The following ZC3H12C variants were observed in gnomAD, a reference collection of about 807,000 sequenced individuals.
ZC3H12C encodes zinc finger CCCH-type containing 12C.
ZC3H12C carries 20 observed loss-of-function variants against 76.3 expected under a neutral mutation model. The observed-to-expected ratio is 0.26, with a 90% CI of 0.18 to 0.38. The LOEUF (loss-of-function observed/expected upper bound fraction) is 0.38, where lower values mean the gene tolerates loss of function less well. Among genes scored for constraint, ZC3H12C ranks in the 10% least tolerant of loss-of-function variants. The pLI is 1.00. For missense variants in ZC3H12C, 874 were observed against 1,086.5 expected (o/e 0.80, Z 2.75); for synonymous variants, 352 against 399.6 (o/e 0.88, Z 1.42).
At chr11:110,133,448 G>A (rs750559057) in intron 1 of ZC3H12C, among the ~76,000 whole-genome samples, 11 of 152,064 alleles carry the variant, frequency 7.2e-5, no homozygotes, top group Non-Finnish European at 1.3e-4. Flanking sequence ...ATGAAGAGAG[G>A]CCTGTCAGTG....
chr11:110,134,119 C>A (rs1861913167), intron 1 of ZC3H12C, among the ~76,000 whole-genome samples: 1 of 152,186 alleles, frequency 6.6e-6, no homozygotes, highest in African/African-American at 2.4e-5. Context: ...AGCACTTATA[C>A]AAAACCCAAA....
chr11:110,163,848 C>T (rs1300418468), intron 5 of ZC3H12C, among the ~76,000 whole-genome samples: 1 of 152,086 alleles, frequency 6.6e-6, no homozygotes, highest in African/African-American at 2.4e-5. Flanking sequence ...TCTGTAATCC[C>T]AGCAGTTTGG....
At chr11:110,097,957 G>A (rs942721169) in intron 1 of ZC3H12C, among the ~76,000 whole-genome samples, 1 of 152,144 alleles carries the variant, frequency 6.6e-6, no homozygotes, top group African/African-American at 2.4e-5. Context: ...TTATGTTACT[G>A]GGTTATTTAT....
intron 3 of ZC3H12C, among the ~76,000 whole-genome samples, chr11:110,155,319 G>A (rs1862356669): frequency 6.6e-6 from 1 of 151,540 alleles, no homozygotes; most frequent in South Asian, 2.1e-4. Context: ...AAAAATAGCG[G>A]AAAGTAAAAA....
At position 110,135,306 on chromosome 11, in the gene ZC3H12C, G is replaced by A. The variant is rs186265900; in HGVS notation, c.22-1357G>A. On this transcript the variant is annotated intron_variant, in intron 1 of 5. Coordinates refer to ENST00000278590, the MANE Select transcript of ZC3H12C (RefSeq NM_033390.2). ...GGAGTTTGAGACCAGCATGGCCAAC[G>A]TGGCGAAACTTTGTCTCTACTAAAA... Among the ~76,000 whole-genome samples, 10 of 151,946 alleles carry A rather than the reference G, an allele frequency of 6.6e-5. No homozygotes were observed. In the East Asian group the frequency reaches 9.7e-4, roughly 15 times the overall value.
At chr11:110,112,993 C>G (rs938121466) in intron 1 of ZC3H12C, among the ~76,000 whole-genome samples, 3 of 76,406 alleles carry the variant, frequency 3.9e-5, no homozygotes, top group Non-Finnish European at 5.7e-5. Flanking sequence ...TTCTTATCGC[C>G]CCCCCCTACC....
intron 1 of ZC3H12C, among the ~76,000 whole-genome samples, chr11:110,099,067 G>A (rs144322205): frequency 2.6e-5 from 4 of 152,196 alleles, no homozygotes; most frequent in East Asian, 3.9e-4. Flanking sequence ...CTCATTTAAC[G>A]TACACTAAGG....
chr11:110,118,079 A>G (rs796565850), intron 1 of ZC3H12C, among the ~76,000 whole-genome samples: 1 of 44,580 alleles, frequency 2.2e-5, no homozygotes, highest in Admixed American at 2.5e-4. Context: ...ACACATATAT[A>G]TTATATATAT....
chr11:110,116,723 GTTA>G (rs1861532798), intron 1 of ZC3H12C, among the ~76,000 whole-genome samples: 1 of 152,116 alleles, frequency 6.6e-6, no homozygotes, highest in African/African-American at 2.4e-5. Flanking sequence ...ACTGTTATAA[GTTA>G]TTATGTATAT....
chr11:110,094,755 C>T (rs1265240343), intron 1 of ZC3H12C, among the ~76,000 whole-genome samples: 2 of 152,152 alleles, frequency 1.3e-5, no homozygotes, highest in African/African-American at 4.8e-5. Flanking sequence ...CCCCTGTTCA[C>T]CTGTTTTCTT....
At chr11:110,137,490 T>C in intron 2 of ZC3H12C, 76 bp downstream of exon 2, 1 of 1,443,982 alleles carries the variant, frequency 6.9e-7, no homozygotes. Flanking sequence ...TGTGGCTCTT[T>C]TCCTTCTCAT....
intron 1 of ZC3H12C, among the ~76,000 whole-genome samples, chr11:110,108,610 CT>C (rs1179463365): frequency 1.3e-5 from 2 of 152,162 alleles, no homozygotes; most frequent in African/African-American, 4.8e-5. Context: ...CTCCTGGACT[CT>C]TTTTCTACAC....
chr11:110,123,480 T>G (rs1010126956), intron 1 of ZC3H12C, among the ~76,000 whole-genome samples: 2 of 152,222 alleles, frequency 1.3e-5, no homozygotes, highest in Admixed American at 1.3e-4. Flanking sequence ...TGGAAAGGAA[T>G]GTTGTTTTTG....
chr11:110,101,839 C>A (rs1861222420), intron 1 of ZC3H12C, among the ~76,000 whole-genome samples: 1 of 151,986 alleles, frequency 6.6e-6, no homozygotes, highest in Non-Finnish European at 1.5e-5. Flanking sequence ...CGTGAGCCAC[C>A]TCACCCAGCC....
chr11:110,121,442 G>C (rs1861649506), intron 1 of ZC3H12C, among the ~76,000 whole-genome samples: 2 of 152,122 alleles, frequency 1.3e-5, no homozygotes, highest in Non-Finnish European at 2.9e-5. Flanking sequence ...AGTATATGAT[G>C]ATTTGTATTT....
At chr11:110,163,179 A>T in intron 4 of ZC3H12C, 94 bp from the exon 5 acceptor site, 1 of 1,098,982 alleles carries the variant, frequency 9.1e-7, no homozygotes, top group South Asian at 1.8e-5. Context: ...TGCAAAAAAA[A>T]TTCCTTATAG....
At chr11:110,100,212 C>CTTTTTTT (rs10656341) in intron 1 of ZC3H12C, among the ~76,000 whole-genome samples, 2 of 134,196 alleles carry the variant, frequency 1.5e-5, no homozygotes, top group East Asian at 4.5e-4. Context: ...CTATATGGTA[C>CTTTTTTT]TTTTTTTTTT....
chr11:110,158,007 G>A (rs1591485430), intron 3 of ZC3H12C, among the ~76,000 whole-genome samples: 2 of 152,110 alleles, frequency 1.3e-5, no homozygotes, highest in African/African-American at 4.8e-5. Context: ...GAAGAAGTGA[G>A]CTTTTTTTTA....
intron 1 of ZC3H12C, among the ~76,000 whole-genome samples, chr11:110,128,614 A>G (rs1861798987): frequency 6.6e-6 from 1 of 152,196 alleles, no homozygotes; most frequent in African/African-American, 2.4e-5. Context: ...TTTCCTTGAT[A>G]TACACAAAAG....
Sources: gnomAD v4.1 joint callset for allele counts (sites outside exome capture counted in the v4.1 genomes callset) on GRCh38, gnomAD v4.1.1 for gene constraint, MANE v1.5 for transcripts, NCBI Gene and HGNC (gene_info 2026-07-23, HGNC 2026-07-21) for gene names.